The following IL12RB1 variants were observed in gnomAD, a reference collection of about 807,000 sequenced individuals.
IL12RB1 encodes the protein interleukin-12 receptor subunit beta-1.
IL12RB1 carries 64 observed loss-of-function variants against 94.4 expected under a neutral mutation model. The observed-to-expected ratio is 0.68, with a 90% CI of 0.55 to 0.83. IL12RB1 has a LOEUF of 0.83. IL12RB1 is among the 40% of genes least tolerant of loss of function. The pLI is 0.00. For synonymous variants in IL12RB1, 362 were observed against 355.5 expected (o/e 1.02, Z -0.21); for missense variants, 814 against 855.6 (o/e 0.95, Z 0.61).
intron 8 of IL12RB1, among the ~76,000 whole-genome samples, chr19:18,073,083 G>A (rs1476139368): frequency 2.0e-5 from 3 of 152,010 alleles, no homozygotes; most frequent in Non-Finnish European, 4.4e-5. Flanking sequence ...TAAAGTCAAC[G>A]AGTGGAGTAT....
intron 15 of IL12RB1, among the ~76,000 whole-genome samples, 166 bp from the exon 16 acceptor site, chr19:18,060,251 G>T (rs1239134368): frequency 6.6e-6 from 1 of 152,144 alleles, no homozygotes; most frequent in Non-Finnish European, 1.5e-5. Context: ...GGCTGAGGCG[G>T]GTGGATCACT....
chr19:18,095,662 C>T (rs543279919), intron 1 of IL12RB1, among the ~76,000 whole-genome samples: 8 of 152,212 alleles, frequency 5.3e-5, no homozygotes, highest in South Asian at 4.1e-4. Context: ...ACTTTAAAAG[C>T]GTGAATTTTA....
At chr19:18,073,408 CCT>C (rs1210831363) in intron 8 of IL12RB1, 107 bp downstream of exon 8, 2 of 761,358 alleles carry the variant, frequency 2.6e-6, no homozygotes, top group Non-Finnish European at 4.8e-6. Context: ...CTTCCTGCCA[CCT>C]CTACATCTCA....
chr19:18,068,586 T>G, intron 10 of IL12RB1, 60 bp from the exon 11 acceptor site: 2 of 1,444,538 alleles, frequency 1.4e-6, no homozygotes, highest in Non-Finnish European at 1.9e-6. Flanking sequence ...TCTGCACCTT[T>G]GCACTGGCTG....
At chr19:18,090,327 A>T (rs2036575657), upstream of IL12RB1, among the ~76,000 whole-genome samples, 1 of 152,166 alleles carries the variant, frequency 6.6e-6, no homozygotes, top group African/African-American at 2.4e-5. Flanking sequence ...CCTGGGCCAC[A>T]GAGCAAGACC....
At chr19:18,096,759 C>T (rs365216) in intron 1 of IL12RB1, among the ~76,000 whole-genome samples, 14,944 of 151,436 alleles carry the variant, frequency 0.099, 2,064 homozygotes, top group African/African-American at 0.31. Context: ...TAGCTTGAAC[C>T]CAGGAGGCAG....
upstream of IL12RB1, among the ~76,000 whole-genome samples, chr19:18,088,285 C>T (rs2036467523): frequency 6.6e-6 from 1 of 151,778 alleles, no homozygotes; most frequent in Non-Finnish European, 1.5e-5. Context: ...ACTGAGGAGG[C>T]TGAGGCAGGA....
Position 18,068,487 on chromosome 19 carries a change from T to C in IL12RB1, c.1229A>G (p.Gln410Arg). 2 of 1,612,182 alleles carry C rather than the reference T, an allele frequency of 1.2e-6. No individual in the cohort carries two copies. Among genetic ancestry groups the C allele is most frequent in the Non-Finnish European group, 1.7e-6 (2 of 1,178,362 alleles). Residue 410 changes from glutamine to arginine, a missense_variant, in exon 11 of 17, where the codon CAG (glutamine) becomes CGG (arginine). By Grantham distance (43) the Gln-to-Arg change is conservative. Transcript: ENST00000593993. ...SWSRESGAMG[Q>R]EKCYYITIFA... is the part of the protein sequence containing the mutation. Reference sequence around the variant, plus strand: ...GATGGTAATGTAGTAACACTTTTCCTGCCCCATTGCCCCAGACTCTCGACT... The same window carrying C: ...GATGGTAATGTAGTAACACTTTTCCCGCCCCATTGCCCCAGACTCTCGACT...
At chr19:18,081,587 AG>A (rs1006416790) in intron 3 of IL12RB1, among the ~76,000 whole-genome samples, 3 of 150,796 alleles carry the variant, frequency 2.0e-5, no homozygotes, top group Admixed American at 6.6e-5. Context: ...TGGGAGGCCA[AG>A]GGGGGGTGGA....
upstream of IL12RB1, among the ~76,000 whole-genome samples, chr19:18,091,804 C>A (rs957759452): frequency 1.1e-4 from 17 of 151,702 alleles, no homozygotes; most frequent in African/African-American, 3.9e-4. Context: ...TTCAAGCTAT[C>A]CTTCTACCTC....
Position 18,080,840 on chromosome 19 carries a change from T to G in IL12RB1, c.401A>C (p.Tyr134Ser), listed in dbSNP as rs1361053897. Reference sequence around the variant, plus strand: ...GAGAACAAGGTGCTAACCTGAGTTGTAGAGCTGCAGGGTCACCTCAGGAGA... The same window carrying G: ...GAGAACAAGGTGCTAACCTGAGTTGGAGAGCTGCAGGGTCACCTCAGGAGA... ...EKSPEVTLQL[Y>S]NSVKYEPPLG... Residue 134 changes from tyrosine to serine, a missense_variant, in exon 4 of 17, where the codon TAC becomes TCC. Transcript: ENST00000593993. The G allele has an allele frequency of 1.2e-6, 2 of 1,606,084 alleles. No individual in the cohort carries two copies. The highest frequency in any genetic ancestry group is 1.1e-5 in the South Asian group (1 of 90,906).
intron 12 of IL12RB1, among the ~76,000 whole-genome samples, chr19:18,064,496 G>T (rs2034428621): frequency 2.1e-5 from 3 of 146,236 alleles, no homozygotes; most frequent in Non-Finnish European, 1.5e-5. Flanking sequence ...TTTTTGAGAT[G>T]GAGTCTCACT....
chr19:18,059,584 C>A lies in IL12RB1; in HGVS notation c.*24G>T, dbSNP rs770391620. ...GTGCTACGTAGCCTCGGGCGAGTCA[C>A]TCACCCTCTCTGAGCCTCAACGATC... On this transcript the variant is annotated 3_prime_UTR_variant, in exon 17 of 17. Coordinates refer to ENST00000593993, the MANE Select transcript of IL12RB1 (RefSeq NM_005535.3). The A allele has an allele frequency of 2.6e-6, 2 of 780,200 alleles. No homozygotes were observed. The highest frequency in any genetic ancestry group is 4.8e-5 in the East Asian group (2 of 41,256). 48.3% of individuals were successfully genotyped at this position (780,200 alleles called of 1,614,324 possible).
intron 1 of IL12RB1, among the ~76,000 whole-genome samples, chr19:18,084,293 T>C (rs912683371): frequency 4.2e-5 from 6 of 143,772 alleles, no homozygotes; most frequent in Admixed American, 2.1e-4. Flanking sequence ...TATCCATCCA[T>C]CCATCCATCC....
chr19:18,076,316 T>A lies in IL12RB1; in HGVS notation c.561A>T (p.Gly187=), dbSNP rs200542111. 4.3e-5 allele frequency: 62 copies of A among 1,432,442 alleles called. No individual in the cohort carries two copies. Among genetic ancestry groups the A allele is most frequent in the Middle Eastern group, 1.7e-4 (1 of 5,736 alleles). The allele number at this position is 1,432,442 out of a possible 1,614,324, so 88.7% of individuals were successfully genotyped here. A position where few individuals can be genotyped will look rare whatever the true frequency, so the allele number is the denominator to read the frequency against. Residue 187 remains glycine (G), a synonymous_variant, in exon 6 of 17, where the codon GGA becomes GGT. Coordinates refer to ENST00000593993, the MANE Select transcript of IL12RB1 (RefSeq NM_005535.3). ...TCTCACCAGTATCATCATCCTGAGG[T>A]CCGCAGTCGCCCTAGAATAAAAACA... is the stretch of plus-strand genomic sequence containing the variant. ...PSSPWKLGDC[G]PQDDDTESCL... is the part of the protein sequence containing the mutation.
chr19:18,082,244 C>G lies in IL12RB1; in HGVS notation c.145G>C (p.Asp49His). Residue 49 changes from aspartate to histidine, a missense_variant, in exon 3 of 17, where the codon GAC (aspartate) becomes CAC (histidine). By Grantham distance (81) the Asp-to-His change is moderately conservative. Coordinates refer to ENST00000593993, the MANE Select transcript of IL12RB1 (RefSeq NM_005535.3). The stretch of plus-strand genomic sequence containing the variant: ...CTGGATATCCGATAGCATCTCAGGT[C>G]CCTAGGGCCCGAGGCCGAGCCTGGA... ...ADSGSASGPRDLRCYRISSDR... is the reference protein window; with the variant it reads ...ADSGSASGPRHLRCYRISSDR... 4 of 1,612,496 alleles carry G rather than the reference C, an allele frequency of 2.5e-6. No homozygotes were observed. In the South Asian group the frequency reaches 4.4e-5, roughly 18 times the overall value.
intron 3 of IL12RB1, among the ~76,000 whole-genome samples, chr19:18,081,693 G>A (rs1801855988): frequency 6.6e-6 from 1 of 151,776 alleles, no homozygotes; most frequent in Non-Finnish European, 1.5e-5. Flanking sequence ...GGTGGCGTGT[G>A]CCTATAGTCC....
intron 4 of IL12RB1, among the ~76,000 whole-genome samples, chr19:18,079,579 C>T (rs896442455): frequency 1.3e-5 from 2 of 152,188 alleles, no homozygotes; most frequent in East Asian, 1.9e-4. Flanking sequence ...GTTCTACTTT[C>T]GGTGCCTAGA....
intron 10 of IL12RB1, 119 bp downstream of exon 10, chr19:18,069,427 G>T: frequency 2.0e-6 from 2 of 987,910 alleles, no homozygotes; most frequent in South Asian, 1.6e-5. Context: ...TGAGTAAGCA[G>T]CAACACCTCT....
Sources: allele counts gnomAD v4.1 joint callset (sites outside exome capture counted in the v4.1 genomes callset), GRCh38; gene constraint gnomAD v4.1.1; transcripts MANE v1.5; gene names NCBI Gene and HGNC (gene_info 2026-07-23, HGNC 2026-07-21).